The following TNNI3K variants were observed in gnomAD, a reference collection of about 807,000 sequenced individuals.
TNNI3K encodes the protein TNNI3 interacting kinase, also known as serine/threonine-protein kinase TNNI3K.
TNNI3K carries 140 observed loss-of-function variants against 114.5 expected under a neutral mutation model. The observed-to-expected ratio is 1.22, with a 90% CI of 1.07 to 1.41. TNNI3K has a LOEUF of 1.41. Among genes scored for constraint, TNNI3K ranks in the 40% most tolerant of loss-of-function variants. The pLI is 0.00. For missense variants in TNNI3K, 1,125 were observed against 1,007.6 expected, an observed-to-expected ratio of 1.12 and a Z score of -1.58; for synonymous variants, 347 against 347.5, an observed-to-expected ratio of 1.00 and a Z score of 0.02.
chr1:74,502,663 T>A (rs1669694158), intron 23 of TNNI3K, among the ~76,000 whole-genome samples: 2 of 152,354 alleles, frequency 1.3e-5, no homozygotes, highest in South Asian at 2.1e-4. Context: ...TACTTCCCTC[T>A]GTCTATGGCC....
At chr1:74,515,249 G>C (rs1241441306) in intron 23 of TNNI3K, among the ~76,000 whole-genome samples, 3 of 152,150 alleles carry the variant, frequency 2.0e-5, no homozygotes, top group Non-Finnish European at 4.4e-5. Flanking sequence ...ACTTCATAGA[G>C]CTTAGGAAGA....
At chr1:74,345,151 A>G (rs1276026912) in intron 9 of TNNI3K, among the ~76,000 whole-genome samples, 5 of 152,166 alleles carry the variant, frequency 3.3e-5, no homozygotes, top group Non-Finnish European at 5.9e-5. Context: ...AAAAAGAGCA[A>G]TGAATCAATA....
intron 21 of TNNI3K, among the ~76,000 whole-genome samples, chr1:74,474,469 A>G (rs1668093476): frequency 6.6e-6 from 1 of 152,100 alleles, no homozygotes; most frequent in African/African-American, 2.4e-5. Flanking sequence ...CCCAAAATGC[A>G]TCCTTAGGGC....
intron 5 of TNNI3K, among the ~76,000 whole-genome samples, chr1:74,274,118 T>G (rs1344139686): frequency 6.6e-6 from 1 of 151,942 alleles, no homozygotes; most frequent in South Asian, 2.1e-4. Flanking sequence ...TCCATTATCA[T>G]GTATTTTTAA....
intron 23 of TNNI3K, among the ~76,000 whole-genome samples, chr1:74,536,780 T>G (rs888257073): frequency 6.6e-6 from 1 of 152,192 alleles, no homozygotes; most frequent in African/African-American, 2.4e-5. Flanking sequence ...TTGAAATACT[T>G]GCAAAATTGA....
In TNNI3K at chr1:74,342,772, A is replaced by G. The variant is rs1363017417; in HGVS notation, c.683-70A>G. 6 of 1,574,460 alleles carry G rather than the reference A, an allele frequency of 3.8e-6. 1 individual carries two copies. Among genetic ancestry groups the G allele is most frequent in the Admixed American group, 3.4e-5 (2 of 58,820 alleles). ...TCAGGCACTTAGAAATGTCCATGAT[A>G]CTATACATATGAAGGTTGAGAAACA... On this transcript the variant is annotated intron_variant, in intron 7 of 24. Coordinates refer to ENST00000326637, the MANE Select transcript of TNNI3K (RefSeq NM_015978.3).
intron 5 of TNNI3K, among the ~76,000 whole-genome samples, chr1:74,288,567 C>G (rs564866495): frequency 6.6e-5 from 10 of 151,926 alleles, no homozygotes; most frequent in Non-Finnish European, 1.3e-4. Flanking sequence ...ATCTTAAAGC[C>G]TTAAAATTAC....
At chr1:74,540,593 A>G (rs1279317452) in intron 24 of TNNI3K, among the ~76,000 whole-genome samples, 2 of 107,342 alleles carry the variant, frequency 1.9e-5, no homozygotes, top group African/African-American at 6.8e-5. Context: ...AGAAAAAAGT[A>G]CAACTCTTTT....
intron 17 of TNNI3K, among the ~76,000 whole-genome samples, chr1:74,397,148 CAGAG>C (rs780843301): frequency 6.6e-6 from 1 of 150,816 alleles, no homozygotes; most frequent in Non-Finnish European, 1.5e-5. Flanking sequence ...GGCTCAGGCA[CAGAG>C]AGAGAAAGAG....
chr1:74,424,742 GACAT>G (rs1388835697), intron 17 of TNNI3K, among the ~76,000 whole-genome samples: 3 of 150,170 alleles, frequency 2.0e-5, no homozygotes, highest in Non-Finnish European at 3.0e-5. Flanking sequence ...AAAAGAGAGA[GACAT>G]AGTATGTTTC....
intron 20 of TNNI3K, among the ~76,000 whole-genome samples, chr1:74,442,367 G>A (rs1666413676): frequency 6.6e-6 from 1 of 151,940 alleles, no homozygotes; most frequent in African/African-American, 2.4e-5. Context: ...CTATATTATA[G>A]TGAGTCGTGA....
At chr1:74,277,432 A>G (rs1362138111) in intron 5 of TNNI3K, among the ~76,000 whole-genome samples, 1 of 152,204 alleles carries the variant, frequency 6.6e-6, no homozygotes, top group East Asian at 1.9e-4. Context: ...AAGTGAAAAA[A>G]GAAACGGAAT....
intron 17 of TNNI3K, among the ~76,000 whole-genome samples, chr1:74,428,688 G>C (rs769642791): frequency 6.6e-6 from 1 of 152,038 alleles, no homozygotes; most frequent in Non-Finnish European, 1.5e-5. Context: ...TAATCCCAGT[G>C]CTCTGAGAGG....
chr1:74,236,283 A>G (rs1339058909), intron 2 of TNNI3K, 73 bp downstream of exon 2: 3 of 1,351,912 alleles, frequency 2.2e-6, no homozygotes, highest in Non-Finnish European at 3.1e-6. Flanking sequence ...AAGTATCTGT[A>G]TATTTTTTAA....
chr1:74,401,609 T>C (rs1299502797), intron 17 of TNNI3K, among the ~76,000 whole-genome samples: 1 of 152,238 alleles, frequency 6.6e-6, no homozygotes, highest in Non-Finnish European at 1.5e-5. Flanking sequence ...TTTAGAGTAC[T>C]AAACATTTTC....
At position 74,532,660 on chromosome 1, in the gene TNNI3K, G is replaced by A. The variant is rs975389293; in HGVS notation, c.2352-7574G>A. Among the ~76,000 whole-genome samples the A allele has an allele frequency of 1.0e-4, 15 of 146,162 alleles. No homozygotes were observed. The East Asian group carries it at 2.9e-3, about 29-fold the overall frequency. On this transcript the variant is annotated intron_variant, in intron 23 of 24. Transcript: ENST00000326637. Reference sequence around the variant, plus strand: ...CCCACAGCAGTCCCCAGAGTGTGATGTTCCCCTCCCTGTGTCCATGTGTCC... The same window carrying A: ...CCCACAGCAGTCCCCAGAGTGTGATATTCCCCTCCCTGTGTCCATGTGTCC...
chr1:74,277,458 G>A (rs1476189033), intron 5 of TNNI3K, among the ~76,000 whole-genome samples: 1 of 152,034 alleles, frequency 6.6e-6, no homozygotes, highest in South Asian at 2.1e-4. Context: ...ACTATATAAA[G>A]CCCAAGCATT....
At chr1:74,418,314 C>A in intron 17 of TNNI3K, 1 of 231,036 alleles carries the variant, frequency 4.3e-6, no homozygotes. Context: ...AGAAGCCTGC[C>A]TCTAGGACTC....
At chr1:74,247,069 G>A (rs373991640) in intron 2 of TNNI3K, among the ~76,000 whole-genome samples, 52 of 152,264 alleles carry the variant, frequency 3.4e-4, no homozygotes, top group African/African-American at 1.2e-3. Context: ...GGAATTGGTG[G>A]GTTCTTGGTC....
Sources: gnomAD v4.1 joint callset for allele counts (sites outside exome capture counted in the v4.1 genomes callset) on GRCh38, gnomAD v4.1.1 for gene constraint, MANE v1.5 for transcripts, NCBI Gene and HGNC (gene_info 2026-07-23, HGNC 2026-07-21) for gene names.